PRKAG2: variants seen among roughly 807,000 people sequenced by gnomAD.
PRKAG2 encodes the protein 5'-AMP-activated protein kinase subunit gamma-2.
A neutral mutation model predicts 69.6 loss-of-function variants in PRKAG2; 26 were observed. That is an observed-to-expected ratio of 0.37 (90% CI 0.27 to 0.52). The LOEUF is 0.52. PRKAG2 is among the 20% of genes least tolerant of loss of function. The probability of loss-of-function intolerance (pLI) is 0.90; values close to 1 mark genes in which losing one functional copy is unlikely to be tolerated. For synonymous variants in PRKAG2, 293 were observed against 285.0 expected (o/e 1.03, Z -0.28); for missense variants, 557 against 740.0 (o/e 0.75, Z 2.87).
Position 151,711,641 on chromosome 7 carries a change from T to C in PRKAG2, c.467-36004A>G, listed in dbSNP as rs546452721. On this transcript the variant is annotated intron_variant, in intron 3 of 15. Coordinates refer to ENST00000287878, the MANE Select transcript of PRKAG2 (RefSeq NM_016203.4). ...CATCCACCAAGGAGGACAGCAATATTATCCCCATTTTATGGATGGTGAAAC... is the reference window on the plus strand; with the variant it reads ...CATCCACCAAGGAGGACAGCAATATCATCCCCATTTTATGGATGGTGAAAC... Among the ~76,000 whole-genome samples, 75 of 152,354 alleles carry C rather than the reference T, an allele frequency of 4.9e-4. 1 individual carries two copies. In the South Asian group the frequency reaches 0.015, roughly 31 times the overall value.
chr7:151,832,265 A>AGGGAGGAGGGAAGGG (rs1563737893), intron 1 of PRKAG2, among the ~76,000 whole-genome samples: 2 of 119,778 alleles, frequency 1.7e-5, no homozygotes, highest in African/African-American at 8.8e-5. Context: ...GGAGGGAAGG[A>AGGGAGGAGGGAAGGG]AGGGAGGAGG....
intron 3 of PRKAG2, among the ~76,000 whole-genome samples, chr7:151,753,532 TA>T (rs2074858193): frequency 6.6e-6 from 1 of 152,276 alleles, no homozygotes; most frequent in South Asian, 2.1e-4. Context: ...CTCTTTGTAT[TA>T]TTTTTGTGAC....
intron 3 of PRKAG2, among the ~76,000 whole-genome samples, chr7:151,773,159 AG>A (rs2076164063): frequency 7.1e-6 from 1 of 141,620 alleles, no homozygotes; most frequent in African/African-American, 2.9e-5. Flanking sequence ...GAAGGAAGGA[AG>A]GGAAGCAAGG....
chr7:151,743,179 G>A (rs993656707), intron 3 of PRKAG2, among the ~76,000 whole-genome samples: 9 of 152,200 alleles, frequency 5.9e-5, no homozygotes, highest in Admixed American at 5.2e-4. Flanking sequence ...GGCTGAAAAA[G>A]GAAGGAAAGA....
At chr7:151,572,836 G>A (rs1807912428) in intron 8 of PRKAG2, 127 bp from the exon 9 acceptor site, 1 of 607,042 alleles carries the variant, frequency 1.6e-6, no homozygotes, top group African/African-American at 1.9e-5. Flanking sequence ...GAGGCGGCCA[G>A]GTGCGGTTGC....
intron 4 of PRKAG2, among the ~76,000 whole-genome samples, chr7:151,658,182 T>C (rs558897852): frequency 3.9e-4 from 54 of 136,924 alleles, no homozygotes; most frequent in Non-Finnish European, 7.0e-4. Context: ...AATAAATAAA[T>C]AAATAAATAA....
chr7:151,703,245 C>T (rs1297414400), intron 3 of PRKAG2, among the ~76,000 whole-genome samples: 1 of 152,238 alleles, frequency 6.6e-6, no homozygotes, highest in Non-Finnish European at 1.5e-5. Context: ...GTGAATGGCA[C>T]CCTGCAAAGG....
chr7:151,832,265 A>G (rs548340068), intron 1 of PRKAG2, among the ~76,000 whole-genome samples: 1,298 of 119,754 alleles, frequency 0.011, 23 homozygotes, highest in African/African-American at 0.054. Flanking sequence ...GGAGGGAAGG[A>G]AGGGAGGAGG....
chr7:151,773,254 GAAAGAAAGAA>G (rs1270175443), intron 3 of PRKAG2, among the ~76,000 whole-genome samples: 1 of 150,980 alleles, frequency 6.6e-6, no homozygotes, highest in African/African-American at 2.4e-5. Context: ...AAGAAGGAAA[GAAAGAAAGAA>G]AGAGAAAGAA....
chr7:151,728,539 G>A (rs1163098366), intron 3 of PRKAG2, among the ~76,000 whole-genome samples: 9 of 152,164 alleles, frequency 5.9e-5, no homozygotes, highest in Non-Finnish European at 1.3e-4. Context: ...CTCTGTCACC[G>A]TCCAGAGTCA....
intron 15 of PRKAG2, chr7:151,559,464 G>A (rs770570825): frequency 2.8e-5 from 28 of 984,960 alleles, no homozygotes; most frequent in Non-Finnish European, 3.1e-5. Flanking sequence ...GATATGGGAC[G>A]GGGCCCCAAC....
intron 5 of PRKAG2, among the ~76,000 whole-genome samples, chr7:151,612,884 G>T (rs1359817388): frequency 6.6e-6 from 1 of 152,218 alleles, no homozygotes; most frequent in Non-Finnish European, 1.5e-5. Flanking sequence ...GTCCCCTTGG[G>T]TGGGGCAGCG....
rs1210673265 is a variant in PRKAG2 at position 151,777,056 on chromosome 7, G to A, written c.466+4096C>T. 1.3e-5 allele frequency among the ~76,000 whole-genome samples: 2 copies of A among 152,162 alleles called. No homozygotes were observed. The highest frequency in any genetic ancestry group is 2.9e-5 in the Non-Finnish European group (2 of 68,010). Reference sequence around the variant, plus strand: ...CCTGCAGTACAGGAGATGGGTTGGGGGACTCACTCTCTGACTCCACCTGCC... The same window carrying A: ...CCTGCAGTACAGGAGATGGGTTGGGAGACTCACTCTCTGACTCCACCTGCC... On this transcript the variant is annotated intron_variant, in intron 3 of 15. Transcript: ENST00000287878. The surrounding 1 kb of genome is among the most constrained non-coding windows in gnomAD (Gnocchi z 4.3).
At chr7:151,762,149 A>C (rs2075449175) in intron 3 of PRKAG2, among the ~76,000 whole-genome samples, 1 of 152,208 alleles carries the variant, frequency 6.6e-6, no homozygotes, top group Admixed American at 6.5e-5. Flanking sequence ...AACTGTGCAC[A>C]TGGACAAATG....
chr7:151,680,172 C>T (rs542267451), intron 3 of PRKAG2, among the ~76,000 whole-genome samples: 107 of 152,296 alleles, frequency 7.0e-4, no homozygotes, highest in East Asian at 3.5e-3. Context: ...ACCACAAACG[C>T]GCATGTTCCT....
chr7:151,876,650 C>T lies in PRKAG2; in HGVS notation c.-30G>A, dbSNP rs751906842. ...CTAACCAGAAGTTGATTCTGCGAAA[C>T]TCCTCGGGGGTTCGGTCCCCTCCTT... On this transcript the variant is annotated 5_prime_UTR_variant, in exon 1 of 16. Coordinates refer to ENST00000287878, the MANE Select transcript of PRKAG2 (RefSeq NM_016203.4). The T allele has an allele frequency of 7.5e-6, 12 of 1,596,714 alleles. No homozygotes were observed. In the African/African-American group the frequency reaches 1.5e-4, roughly 20 times the overall value.
chr7:151,784,645 G>A (rs896146878), intron 2 of PRKAG2, among the ~76,000 whole-genome samples: 2 of 152,206 alleles, frequency 1.3e-5, no homozygotes, highest in Admixed American at 6.5e-5. Flanking sequence ...GGGGGTCACG[G>A]GGGAAGTTGA....
chr7:151,729,014 G>A (rs1332763075), intron 3 of PRKAG2, among the ~76,000 whole-genome samples: 1 of 152,084 alleles, frequency 6.6e-6, no homozygotes, highest in East Asian at 1.9e-4. Context: ...CTGGCCTGCT[G>A]AGTGACTCCG....
chr7:151,856,806 C>T (rs67647043), intron 1 of PRKAG2, among the ~76,000 whole-genome samples: 22,757 of 151,964 alleles, frequency 0.15, 2,031 homozygotes, highest in South Asian at 0.22. Context: ...AGAACTGGAT[C>T]GCAAGGCAGG....
Sources: gnomAD v4.1 joint callset for allele counts (sites outside exome capture counted in the v4.1 genomes callset) on GRCh38, gnomAD v4.1.1 for gene constraint, Gnocchi (gnomAD v3.1) non-coding constraint, MANE v1.5 for transcripts, NCBI Gene and HGNC (gene_info 2026-07-23, HGNC 2026-07-21) for gene names.